Variants in NINJ2 observed in about 807,000 individuals in gnomAD.
NINJ2 encodes the protein ninjurin-2.
NINJ2 carries 12 observed loss-of-function variants against 11.7 expected under a neutral mutation model. The observed-to-expected ratio is 1.02, with a 90% confidence interval of 0.66 to 1.66. NINJ2 has a LOEUF of 1.66. Among genes scored for constraint, NINJ2 ranks in the 40% most tolerant of loss-of-function variants. NINJ2 has a pLI of 0.00. For synonymous variants in NINJ2, 93 were observed against 76.8 expected (o/e 1.21, Z -1.10); for missense variants, 187 against 181.8 (o/e 1.03, Z -0.16).
chr12:626,275 C>T (rs1948209257), intron 1 of NINJ2, among the ~76,000 whole-genome samples: 1 of 152,180 alleles, frequency 6.6e-6, no homozygotes, highest in African/African-American at 2.4e-5. Context: ...AGAAGCCCTC[C>T]TAATATCTGC....
chr12:591,676 A>G lies in NINJ2; in HGVS notation c.34-25498T>C, dbSNP rs1947717490. On this transcript the variant is annotated intron_variant, in intron 1 of 3. Transcript: ENST00000305108. The surrounding 1 kb of genome is among the most constrained non-coding windows in gnomAD (Gnocchi z 5.0). The stretch of plus-strand genomic sequence containing the variant: ...ACAGATGTCACGGAGGGAGCAGTGC[A>G]GTGTCACCAGTCTGGCTTCTCGCCC... Among the ~76,000 whole-genome samples, 1 of 152,116 alleles carries G rather than the reference A, an allele frequency of 6.6e-6. No individual in the cohort carries two copies. Among genetic ancestry groups the G allele is most frequent in the Non-Finnish European group, 1.5e-5 (1 of 68,010 alleles).
intron 1 of NINJ2, among the ~76,000 whole-genome samples, chr12:597,875 A>G (rs1947810408): frequency 6.6e-6 from 1 of 152,268 alleles, no homozygotes; most frequent in African/African-American, 2.4e-5. Flanking sequence ...ATGCTGGGCT[A>G]TTACAGGCCA....
chr12:612,879 C>A (rs1948050232), intron 1 of NINJ2, among the ~76,000 whole-genome samples: 1 of 152,146 alleles, frequency 6.6e-6, no homozygotes, highest in South Asian at 2.1e-4. Flanking sequence ...ATAGAAGGTC[C>A]TGAGGTGAAC....
intron 1 of NINJ2, chr12:610,227 A>C: frequency 1.2e-6 from 1 of 826,672 alleles, no homozygotes; most frequent in East Asian, 2.7e-5. Flanking sequence ...CAGACACAGA[A>C]TCAATGCTTT....
At chr12:661,224 G>A (rs1937953847) in intron 1 of NINJ2, among the ~76,000 whole-genome samples, 1 of 152,122 alleles carries the variant, frequency 6.6e-6, no homozygotes, top group South Asian at 2.1e-4. Flanking sequence ...GACTACAGGT[G>A]CATGCCACCA....
rs1208371510 is a variant in NINJ2, at chr12:643,966, G to GA, written c.33+19361dup. 3 of 154,844 alleles carry GA rather than the reference G, an allele frequency of 1.9e-5. No individual in the cohort carries two copies. In the Admixed American group the frequency reaches 2.0e-4, roughly 10 times the overall value. The allele number at this position is 154,844 out of a possible 1,614,324, so 9.6% of individuals were successfully genotyped here. A position where few individuals can be genotyped will look rare whatever the true frequency, so the allele number is the denominator to read the frequency against. On this transcript the variant is annotated intron_variant, in intron 1 of 3. Transcript: ENST00000305108. ...GTCTGTCTCCCTCTGCAGATGGAGTGAAGGTACCTGAGCGCAGGAACCATG... is the reference window on the plus strand; with the variant it reads ...GTCTGTCTCCCTCTGCAGATGGAGTGAAAGGTACCTGAGCGCAGGAACCATG...
chr12:623,159 G>A (rs961323571), intron 1 of NINJ2, among the ~76,000 whole-genome samples: 2 of 152,214 alleles, frequency 1.3e-5, no homozygotes, highest in African/African-American at 4.8e-5. Context: ...GGTGCAAGGT[G>A]AATGGAAGCA....
At chr12:639,274 C>A (rs1189404547) in intron 1 of NINJ2, among the ~76,000 whole-genome samples, 2 of 152,110 alleles carry the variant, frequency 1.3e-5, no homozygotes, top group Admixed American at 1.3e-4. Context: ...ACTAGTCACA[C>A]TTATATGGGG....
chr12:565,928 G>A, intron 2 of NINJ2, 22 bp downstream of exon 2: 1 of 1,604,836 alleles, frequency 6.2e-7, no homozygotes, highest in Non-Finnish European at 8.5e-7. Flanking sequence ...CAGAAGGTCT[G>A]ACTGCAGGCT....
rs749724074 is a variant in NINJ2, at chr12:611,257, CTTTCTTTCTT to C, written c.34-45089_34-45080del. 1.5e-4 allele frequency among the ~76,000 whole-genome samples: 13 copies of C among 86,634 alleles called. 1 individual carries two copies. The highest frequency in any genetic ancestry group is 1.1e-3 in the East Asian group (4 of 3,740). The allele number at this position is 86,634 out of a possible 152,430, so 56.8% of individuals were successfully genotyped here. A position where few individuals can be genotyped will look rare whatever the true frequency, so the allele number is the denominator to read the frequency against. Reference sequence around the variant, plus strand: ...TTTCTTTCTTTCTTTCTCTCTCTCTCTTTCTTTCTTTCTTTCTCTCTCTCTTTCTTTCTCT... The same window carrying C: ...TTTCTTTCTTTCTTTCTCTCTCTCTCTCTTTCTCTCTCTCTTTCTTTCTCT... On this transcript the variant is annotated intron_variant, in intron 1 of 3. Transcript: ENST00000305108.
At chr12:573,502 C>T in intron 1 of NINJ2, among the ~76,000 whole-genome samples, 1 of 152,044 alleles carries the variant, frequency 6.6e-6, no homozygotes, top group East Asian at 1.9e-4. Context: ...TTGCTTGAAC[C>T]TCAGAGGCGG....
At chr12:624,444 G>A (rs1324780957) in intron 1 of NINJ2, among the ~76,000 whole-genome samples, 4 of 152,150 alleles carry the variant, frequency 2.6e-5, no homozygotes, top group Admixed American at 2.0e-4. Context: ...AATGAGATCT[G>A]GATTCACTTT....
chr12:610,568 G>T, intron 1 of NINJ2: 2 of 1,454,264 alleles, frequency 1.4e-6, no homozygotes, highest in Admixed American at 2.4e-5. Flanking sequence ...TCACTGGTGG[G>T]TTAGCTGCTC....
At chr12:637,280 T>G (rs929712433) in intron 1 of NINJ2, among the ~76,000 whole-genome samples, 8 of 148,564 alleles carry the variant, frequency 5.4e-5, no homozygotes, top group African/African-American at 2.0e-4. Flanking sequence ...ATCTGGGAGG[T>G]GGGGGTTGCA....
intron 1 of NINJ2, among the ~76,000 whole-genome samples, chr12:651,480 C>T (rs1240567169): frequency 6.6e-6 from 1 of 152,178 alleles, no homozygotes; most frequent in Non-Finnish European, 1.5e-5. Flanking sequence ...CACTTCCCCT[C>T]CCCTCACATT....
intron 1 of NINJ2, among the ~76,000 whole-genome samples, chr12:590,277 G>A (rs990491517): frequency 2.6e-5 from 4 of 152,108 alleles, no homozygotes; most frequent in African/African-American, 4.8e-5. Context: ...AGAGCCACGC[G>A]CGGGAGCCCT....
intron 1 of NINJ2, among the ~76,000 whole-genome samples, chr12:569,883 C>A (rs900598763): frequency 1.3e-5 from 2 of 152,214 alleles, no homozygotes; most frequent in Non-Finnish European, 2.9e-5. Context: ...ACTGCGGGTG[C>A]TGGGCGGGAT....
chr12:576,545 G>C (rs904774276), intron 1 of NINJ2, among the ~76,000 whole-genome samples: 3 of 152,186 alleles, frequency 2.0e-5, no homozygotes, highest in Non-Finnish European at 4.4e-5. Flanking sequence ...CCCAGGCTGC[G>C]GGGTGGTGGC....
chr12:612,926 T>C (rs1948052014), intron 1 of NINJ2, among the ~76,000 whole-genome samples: 1 of 152,174 alleles, frequency 6.6e-6, no homozygotes, highest in African/African-American at 2.4e-5. Flanking sequence ...GATCGGCTGA[T>C]TGGTGAATCA....
Sources: allele counts gnomAD v4.1 joint callset (sites outside exome capture counted in the v4.1 genomes callset), GRCh38; gene constraint gnomAD v4.1.1; non-coding constraint Gnocchi (gnomAD v3.1); transcripts MANE v1.5; gene names NCBI Gene and HGNC (gene_info 2026-07-23, HGNC 2026-07-21).